The following ADCY5 variants were observed in gnomAD, a reference collection of about 807,000 sequenced individuals.
ADCY5 encodes the protein adenylate cyclase 5.
In ADCY5, 30 loss-of-function variants were observed where a neutral mutation model predicts 119.7. The ratio of observed to expected loss-of-function variants is 0.25; its 90% CI spans 0.19 to 0.34. The LOEUF (loss-of-function observed/expected upper bound fraction) is 0.34, where lower values mean the gene tolerates loss of function less well. ADCY5 is among the 10% of genes least tolerant of loss of function. The probability of loss-of-function intolerance (pLI) is 1.00; values close to 1 mark genes in which losing one functional copy is unlikely to be tolerated. For missense variants in ADCY5, 1,324 were observed against 1,775.2 expected (o/e 0.75, Z 4.57); for synonymous variants, 753 against 762.2 (o/e 0.99, Z 0.20).
chr3:123,322,166 G>A (rs1941252512), intron 8 of ADCY5, among the ~76,000 whole-genome samples: 1 of 152,234 alleles, frequency 6.6e-6, no homozygotes. Context: ...GCAGAGAGCT[G>A]GACAGGCGAG....
chr3:123,328,508 A>G (rs942929112), intron 6 of ADCY5, 136 bp downstream of exon 6: 417 of 1,038,198 alleles, frequency 4.0e-4, no homozygotes, highest in Non-Finnish European at 5.3e-4. Context: ...TGCTCACCCC[A>G]GCGCCCCCAC....
At chr3:123,416,287 G>T in intron 1 of ADCY5, 1 of 1,536,082 alleles carries the variant, frequency 6.5e-7, no homozygotes, top group Non-Finnish European at 8.7e-7. Flanking sequence ...CTTACTTCCA[G>T]ACGCTTCCCC....
At chr3:123,301,438 C>T (rs1939847668) in intron 14 of ADCY5, among the ~76,000 whole-genome samples, 1 of 152,172 alleles carries the variant, frequency 6.6e-6, no homozygotes, top group Non-Finnish European at 1.5e-5. Context: ...AGCTCAGAGC[C>T]CCAGAGCCTC....
intron 1 of ADCY5, among the ~76,000 whole-genome samples, chr3:123,365,902 C>T (rs994311081): frequency 2.6e-5 from 4 of 151,860 alleles, no homozygotes; most frequent in African/African-American, 9.7e-5. Flanking sequence ...AGGGGAGGGG[C>T]CAAAGAGGTA....
intron 12 of ADCY5, 91 bp downstream of exon 12, chr3:123,314,144 C>T (rs1940755331): frequency 1.0e-6 from 1 of 989,902 alleles, no homozygotes; most frequent in Admixed American, 2.2e-5. Flanking sequence ...AATACTCGGG[C>T]CCCTTCACAT....
At chr3:123,374,677 G>A (rs989122023) in intron 1 of ADCY5, among the ~76,000 whole-genome samples, 14 of 151,844 alleles carry the variant, frequency 9.2e-5, no homozygotes, top group Non-Finnish European at 2.1e-4. Context: ...AGAACTATTT[G>A]TCTTCTTTGG....
Position 123,448,168 on chromosome 3 carries a change from GC to G in ADCY5, c.377del (p.Gly126AlafsTer112). 1 of 1,133,388 alleles carries G rather than the reference GC, an allele frequency of 8.8e-7. No individual in the cohort carries two copies. The allele number at this position is 1,133,388 out of a possible 1,614,324, so 70.2% of individuals were successfully genotyped here. On this transcript the variant is annotated frameshift_variant, in exon 1 of 21. Coordinates refer to ENST00000462833, the MANE Select transcript of ADCY5 (RefSeq NM_183357.3). LOFTEE classifies it high-confidence loss of function. ...CGCCCGCAGGGGGCGCCCGGGTGCT[GC>G]CCCCGCTGGCCGCGCCCCGCCGCTG... ...RRQRRGAASG[G>X]STRAPPAGGG...
At chr3:123,298,792 C>G (rs1412671276) in intron 15 of ADCY5, among the ~76,000 whole-genome samples, 2 of 144,374 alleles carry the variant, frequency 1.4e-5, no homozygotes, top group East Asian at 4.1e-4. Context: ...AAAGAAGGTA[C>G]AGTTTGCTGC....
intron 2 of ADCY5, among the ~76,000 whole-genome samples, chr3:123,351,413 C>T (rs1404483669): frequency 6.6e-6 from 1 of 152,238 alleles, no homozygotes; most frequent in African/African-American, 2.4e-5. Flanking sequence ...GTGTCCCCCA[C>T]ACTCAAAGGC....
At position 123,402,641 on chromosome 3, in the gene ADCY5, G is replaced by A. The variant is rs570423090; in HGVS notation, c.1134+44771C>T. Among the ~76,000 whole-genome samples, 11 of 152,064 alleles carry A rather than the reference G, an allele frequency of 7.2e-5. No individual in the cohort carries two copies. In the South Asian group the frequency reaches 2.3e-3, roughly 32 times the overall value. On this transcript the variant is annotated intron_variant, in intron 1 of 20. Transcript: ENST00000462833. ...TGAGACGGGTGGATCACGAGGTCAG[G>A]AGATTGAGACCATCCTGGCTAACAC... is the stretch of plus-strand genomic sequence containing the variant.
intron 14 of ADCY5, among the ~76,000 whole-genome samples, chr3:123,301,032 T>C (rs574573289): frequency 1.3e-5 from 2 of 152,062 alleles, no homozygotes; most frequent in African/African-American, 2.4e-5. Flanking sequence ...TGCTGTTCCC[T>C]CTGGGGAAGC....
chr3:123,332,355 T>C (rs1395270963), intron 4 of ADCY5, among the ~76,000 whole-genome samples: 1 of 152,246 alleles, frequency 6.6e-6, no homozygotes, highest in African/African-American at 2.4e-5. Flanking sequence ...TGAAAGCAAC[T>C]CCAGCTAAGT....
Position 123,352,421 on chromosome 3 carries a change from G to C in ADCY5, c.1284+11C>G, listed in dbSNP as rs1942871199. 6.2e-7 allele frequency: 1 copy of C among 1,609,334 alleles called. No homozygotes were observed. Among genetic ancestry groups the C allele is most frequent in the Non-Finnish European group, 8.5e-7 (1 of 1,178,924 alleles). ...TCCGTCCCACTGTGCAAGGGCAGGG[G>C]CCTCACTCACCTGCTGCTGGTTCTC... On this transcript the variant is annotated intron_variant, in intron 2 of 20. Coordinates refer to ENST00000462833, the MANE Select transcript of ADCY5 (RefSeq NM_183357.3). The surrounding 1 kb of genome is among the most constrained non-coding windows in gnomAD (Gnocchi z 4.8).
intron 8 of ADCY5, among the ~76,000 whole-genome samples, chr3:123,323,507 C>A (rs1220449236): frequency 1.3e-5 from 2 of 152,094 alleles, no homozygotes; most frequent in African/African-American, 4.8e-5. Flanking sequence ...CTGCTCTTCC[C>A]TGGCCACCTC....
intron 14 of ADCY5, among the ~76,000 whole-genome samples, chr3:123,302,032 G>GA: frequency 6.6e-6 from 1 of 152,372 alleles, no homozygotes; most frequent in African/African-American, 2.4e-5. Flanking sequence ...CCCAGGCTGG[G>GA]TGGGGGGCCC....
chr3:123,447,677 C>T lies in ADCY5; in HGVS notation c.869G>A (p.Arg290His). 2 of 1,605,812 alleles carry T rather than the reference C, an allele frequency of 1.2e-6. No homozygotes were observed. Among genetic ancestry groups the T allele is most frequent in the Non-Finnish European group, 1.7e-6 (2 of 1,175,672 alleles). ...CATGTGGTCCTGGTGGAAGGCGGCG[C>T]GGTTGCAAAGCACAGCCATGATGAG... ...VILIMAVLCN[R>H]AAFHQDHMGL... Residue 290 changes from arginine (R) to histidine (H), a missense_variant, in exon 1 of 21, where the codon CGC becomes CAC. Physicochemically the swap from Arg to His is conservative, Grantham distance 29. Transcript: ENST00000462833.
intron 9 of ADCY5, among the ~76,000 whole-genome samples, chr3:123,320,498 C>T (rs1298226358): frequency 6.6e-6 from 1 of 152,204 alleles, no homozygotes; most frequent in Non-Finnish European, 1.5e-5. Flanking sequence ...CGTGCACAAG[C>T]GTGTCACGGA....
At chr3:123,437,057 G>A (rs1046276187) in intron 1 of ADCY5, among the ~76,000 whole-genome samples, 3 of 152,104 alleles carry the variant, frequency 2.0e-5, no homozygotes, top group East Asian at 3.9e-4. Context: ...CATTAGGAGG[G>A]GAGTAGGGGA....
intron 3 of ADCY5, among the ~76,000 whole-genome samples, chr3:123,342,389 G>A (rs2108455254): frequency 6.6e-6 from 1 of 152,252 alleles, no homozygotes; most frequent in South Asian, 2.1e-4. Context: ...GGAGGTGTTG[G>A]GGAAAGACTG....
Sources: gnomAD v4.1 joint callset for allele counts (sites outside exome capture counted in the v4.1 genomes callset) on GRCh38, gnomAD v4.1.1 for gene constraint, Gnocchi (gnomAD v3.1) non-coding constraint, MANE v1.5 for transcripts, NCBI Gene and HGNC (gene_info 2026-07-23, HGNC 2026-07-21) for gene names.